The following KHDRBS2 variants were observed in gnomAD, a reference collection of about 807,000 sequenced individuals.
KHDRBS2 encodes KH domain-containing, RNA-binding, signal transduction-associated protein 2.
In KHDRBS2, 26 loss-of-function variants were observed where a neutral mutation model predicts 44.3. The observed-to-expected ratio is 0.59, with a 90% confidence interval of 0.43 to 0.81. KHDRBS2 has a LOEUF of 0.81. Among genes scored for constraint, KHDRBS2 ranks in the 40% least tolerant of loss-of-function variants. KHDRBS2 has a pLI of 0.00. For synonymous variants in KHDRBS2, 194 were observed against 151.1 expected, an observed-to-expected ratio of 1.28 and a Z score of -2.08; for missense variants, 476 against 433.1, an observed-to-expected ratio of 1.10 and a Z score of -0.88.
chr6:61,659,923 C>T, the KHDRBS2 span, among the ~76,000 whole-genome samples: 1 of 151,738 alleles, frequency 6.6e-6, no homozygotes, highest in Non-Finnish European at 1.5e-5. Context: ...AAAATACTTG[C>T]CTCACTGGGT....
rs546779943 is a variant in KHDRBS2, at chr6:62,083,020, C to G, written c.220-35026G>C. On this transcript the variant is annotated intron_variant, in intron 2 of 8. Transcript: ENST00000281156. ...AAATACTAGTAGAAAAGGGCAGGGT[C>G]CCTGGTGAGGATTCCACCCTCAAGC... Among the ~76,000 whole-genome samples the G allele has an allele frequency of 4.3e-4, 66 of 152,206 alleles. 1 individual carries two copies. The highest frequency in any genetic ancestry group is 1.5e-3 in the African/African-American group (62 of 41,548).
intron 3 of KHDRBS2, among the ~76,000 whole-genome samples, chr6:61,996,188 G>T (rs1393575889): frequency 2.0e-5 from 3 of 152,046 alleles, no homozygotes; most frequent in African/African-American, 4.8e-5. Context: ...TTATAAAAGG[G>T]TATCTGTGAC....
chr6:62,063,750 A>G (rs1562764532), intron 2 of KHDRBS2, among the ~76,000 whole-genome samples: 2 of 128,230 alleles, frequency 1.6e-5, no homozygotes, highest in Admixed American at 8.2e-5. Flanking sequence ...CACCACTCCT[A>G]TTCAACATAG....
chr6:61,892,799 C>G (rs1802157593), intron 6 of KHDRBS2, among the ~76,000 whole-genome samples: 1 of 152,152 alleles, frequency 6.6e-6, no homozygotes, highest in Admixed American at 6.5e-5. Context: ...CATAAAAACC[C>G]TAGAAGAAAA....
intron 1 of KHDRBS2, among the ~76,000 whole-genome samples, chr6:62,204,312 G>A (rs1281316082): frequency 6.6e-6 from 1 of 152,140 alleles, no homozygotes; most frequent in African/African-American, 2.4e-5. Flanking sequence ...AACTAAGACT[G>A]CAACAATGAG....
rs1487526905 is a variant in KHDRBS2 at position 62,275,023 on chromosome 6, A to ACG, written c.91+10834_91+10835insCG. Among the ~76,000 whole-genome samples, 27 of 151,470 alleles carry ACG rather than the reference A, an allele frequency of 1.8e-4. No homozygotes were observed. The East Asian group carries it at 4.5e-3, about 25-fold the overall frequency. ...GCTCATCAAATACACACACACACAC[A>ACG]CACACACACACACACACACATATAT... On this transcript the variant is annotated intron_variant, in intron 1 of 8. Transcript: ENST00000281156.
In KHDRBS2 at chr6:61,894,019, G is replaced by A. The variant is rs571903151; in HGVS notation, c.810+616C>T. Among the ~76,000 whole-genome samples, 424 of 152,092 alleles carry A rather than the reference G, an allele frequency of 2.8e-3. 2 individuals carry two copies. Among genetic ancestry groups the A allele is most frequent in the Middle Eastern group, 3.4e-3 (1 of 294 alleles). ...ACACAAGGACCACAATGTAATTAGT[G>A]GAATACTGACAATCAGAACTAAAGG... is the stretch of plus-strand genomic sequence containing the variant. On this transcript the variant is annotated intron_variant, in intron 6 of 8. Coordinates refer to ENST00000281156, the MANE Select transcript of KHDRBS2 (RefSeq NM_152688.4).
At chr6:61,853,242 GA>G (rs1208806693) in intron 6 of KHDRBS2, among the ~76,000 whole-genome samples, 1 of 151,990 alleles carries the variant, frequency 6.6e-6, no homozygotes, top group Non-Finnish European at 1.5e-5. Flanking sequence ...CAACTCTCTA[GA>G]GTCTATCTCC....
chr6:61,840,335 CAT>C (rs1793406388), intron 6 of KHDRBS2, among the ~76,000 whole-genome samples: 1 of 152,058 alleles, frequency 6.6e-6, no homozygotes, highest in South Asian at 2.1e-4. Context: ...CATCTCAGTT[CAT>C]ATATTTCAAG....
chr6:62,027,881 A>G (rs1262434716), intron 3 of KHDRBS2, among the ~76,000 whole-genome samples: 5 of 152,078 alleles, frequency 3.3e-5, no homozygotes, highest in African/African-American at 7.2e-5. Flanking sequence ...ATAACAAACC[A>G]ATAATCTAGT....
intron 3 of KHDRBS2, among the ~76,000 whole-genome samples, chr6:62,031,666 T>A (rs141627943): frequency 5.5e-4 from 84 of 152,058 alleles, no homozygotes; most frequent in African/African-American, 2.0e-3. Context: ...CTTTGGAAAG[T>A]AGGGAGAAGA....
At chr6:62,163,147 C>T (rs1817992418) in intron 2 of KHDRBS2, among the ~76,000 whole-genome samples, 1 of 151,928 alleles carries the variant, frequency 6.6e-6, no homozygotes, top group Admixed American at 6.6e-5. Context: ...GAGTAGAAAC[C>T]AGCAAACTAG....
intron 1 of KHDRBS2, among the ~76,000 whole-genome samples, chr6:62,224,479 T>G (rs1296018984): frequency 6.6e-6 from 1 of 152,194 alleles, no homozygotes; most frequent in African/African-American, 2.4e-5. Context: ...CATCTGGTAT[T>G]AAGATGAACA....
At chr6:61,661,305 C>T in the KHDRBS2 span, 2 of 151,740 alleles carry the variant, frequency 1.3e-5, no homozygotes, top group Non-Finnish European at 2.9e-5. Flanking sequence ...AACATTAAAC[C>T]TCCAAACAGC....
rs1329530858 is a variant in KHDRBS2, at chr6:61,954,607, C to CG, written c.483+23458_483+23459insC. Among the ~76,000 whole-genome samples, 29 of 135,268 alleles carry CG rather than the reference C, an allele frequency of 2.1e-4. 1 individual carries two copies. The highest frequency in any genetic ancestry group is 7.2e-4 in the African/African-American group (25 of 34,918). The allele number at this position is 135,268 out of a possible 152,430, so 88.7% of individuals were successfully genotyped here. On this transcript the variant is annotated intron_variant, in intron 4 of 8. Coordinates refer to ENST00000281156, the MANE Select transcript of KHDRBS2 (RefSeq NM_152688.4). ...ATTTATGTATATATACACATACATA[C>CG]TTATGTATACATATATATGTATATA...
chr6:61,992,138 T>A (rs1481568858), intron 3 of KHDRBS2, among the ~76,000 whole-genome samples: 1 of 152,186 alleles, frequency 6.6e-6, no homozygotes, highest in Admixed American at 6.5e-5. Context: ...CTGTTGCTAC[T>A]TTTAGCTTTT....
intron 1 of KHDRBS2, among the ~76,000 whole-genome samples, chr6:62,221,116 A>T (rs1052119713): frequency 6.6e-6 from 1 of 151,184 alleles, no homozygotes; most frequent in Non-Finnish European, 1.5e-5. Flanking sequence ...ATGAAATATT[A>T]CCCAGCCATA....
intron 2 of KHDRBS2, among the ~76,000 whole-genome samples, chr6:62,091,988 G>A (rs193007571): frequency 2.7e-4 from 41 of 152,288 alleles, no homozygotes; most frequent in Non-Finnish European, 5.1e-4. Context: ...GATGCACCAA[G>A]TTGGGTTTTT....
the KHDRBS2 span, among the ~76,000 whole-genome samples, chr6:61,668,127 G>A: frequency 2.0e-5 from 3 of 150,696 alleles, no homozygotes; most frequent in Non-Finnish European, 4.5e-5. Flanking sequence ...ACAATATATA[G>A]TATTATATAC....
Sources: allele counts gnomAD v4.1 joint callset (sites outside exome capture counted in the v4.1 genomes callset), GRCh38; gene constraint gnomAD v4.1.1; transcripts MANE v1.5; gene names NCBI Gene and HGNC (gene_info 2026-07-23, HGNC 2026-07-21).